Variants in VWA3B observed in about 807,000 individuals in gnomAD.
The protein encoded by VWA3B is von Willebrand factor A domain-containing protein 3B.
A neutral mutation model predicts 158.3 loss-of-function variants in VWA3B; 138 were observed. The ratio of observed to expected loss-of-function variants is 0.87; its 90% CI spans 0.76 to 1.00. VWA3B has a LOEUF of 1.00. Among genes scored for constraint, VWA3B ranks in the 50% least tolerant of loss-of-function variants. The pLI is 0.00. For synonymous variants in VWA3B, 596 were observed against 587.3 expected (o/e 1.01, Z -0.21); for missense variants, 1,555 against 1,565.1 (o/e 0.99, Z 0.11).
At chr2:98,215,167 C>T (rs981959948) in intron 13 of VWA3B, among the ~76,000 whole-genome samples, 1 of 152,072 alleles carries the variant, frequency 6.6e-6, no homozygotes, top group African/African-American at 2.4e-5. Flanking sequence ...TTAGGCCAGG[C>T]GCGGTGGCTC....
the VWA3B span, among the ~76,000 whole-genome samples, chr2:98,330,614 G>A: frequency 3.3e-5 from 5 of 152,108 alleles, no homozygotes; most frequent in Admixed American, 6.5e-5. Context: ...CTCTGGGAAG[G>A]TTTCTGCTCA....
At chr2:98,232,271 T>C (rs1456509385) in intron 16 of VWA3B, among the ~76,000 whole-genome samples, 1 of 152,246 alleles carries the variant, frequency 6.6e-6, no homozygotes, top group Non-Finnish European at 1.5e-5. Context: ...GAGGGCAAAG[T>C]TGTTTATTAT....
chr2:98,104,826 C>T (rs1443605978), intron 2 of VWA3B, among the ~76,000 whole-genome samples: 1 of 152,014 alleles, frequency 6.6e-6, no homozygotes, highest in Non-Finnish European at 1.5e-5. Flanking sequence ...TTCCTTGTTA[C>T]ATCCTTAACT....
chr2:98,223,926 C>T (rs1016458982), intron 14 of VWA3B, among the ~76,000 whole-genome samples: 1 of 152,018 alleles, frequency 6.6e-6, no homozygotes, highest in Non-Finnish European at 1.5e-5. Flanking sequence ...TAGGGTCACA[C>T]TATGTCGCCC....
At chr2:98,176,406 C>A (rs1680020132) in intron 8 of VWA3B, among the ~76,000 whole-genome samples, 1 of 149,880 alleles carries the variant, frequency 6.7e-6, no homozygotes, top group Non-Finnish European at 1.5e-5. Flanking sequence ...TCCTGTCTCA[C>A]TTCCTAATCT....
At chr2:98,269,787 AG>A (rs1182956686) in intron 21 of VWA3B, among the ~76,000 whole-genome samples, 1 of 152,228 alleles carries the variant, frequency 6.6e-6, no homozygotes, top group Non-Finnish European at 1.5e-5. Context: ...GTGTCTCTGT[AG>A]GGGAATGAGG....
chr2:98,270,539 T>A lies in VWA3B; in HGVS notation c.2844-143T>A, dbSNP rs534474847. The A allele has an allele frequency of 3.3e-4, 262 of 801,754 alleles. 2 individuals are homozygous for A. The East Asian group carries it at 6.9e-3, about 21-fold the overall frequency. The allele number at this position is 801,754 out of a possible 1,614,324, so 49.7% of individuals were successfully genotyped here. A position where few individuals can be genotyped will look rare whatever the true frequency, so the allele number is the denominator to read the frequency against. The stretch of plus-strand genomic sequence containing the variant: ...AGAGGGCATGGCTATGATGCTGTCA[T>A]CTGACACCTGACACTAGCTTCAACA... On this transcript the variant is annotated intron_variant, in intron 21 of 27. Coordinates refer to ENST00000477737, the MANE Select transcript of VWA3B (RefSeq NM_144992.5).
chr2:98,216,492 T>C (rs1229308073), intron 13 of VWA3B, among the ~76,000 whole-genome samples: 3 of 152,188 alleles, frequency 2.0e-5, no homozygotes, highest in Non-Finnish European at 4.4e-5. Context: ...AGGTGCAGGG[T>C]GATCAACCTG....
intron 19 of VWA3B, among the ~76,000 whole-genome samples, chr2:98,243,014 A>G (rs942652251): frequency 7.9e-5 from 12 of 152,080 alleles, no homozygotes; most frequent in African/African-American, 2.7e-4. Context: ...AAATGTAGAT[A>G]AGTGAAAAAG....
chr2:98,203,381 A>G (rs892904674), intron 12 of VWA3B, among the ~76,000 whole-genome samples: 2 of 152,156 alleles, frequency 1.3e-5, no homozygotes, highest in African/African-American at 4.8e-5. Context: ...CCTACTTTAC[A>G]TTTCTTTTTT....
At chr2:98,165,954 C>T (rs1449926397) in intron 8 of VWA3B, among the ~76,000 whole-genome samples, 7 of 152,158 alleles carry the variant, frequency 4.6e-5, no homozygotes, top group Admixed American at 2.0e-4. Context: ...GCATTTGTTT[C>T]GGGGAGTGTG....
At position 98,129,220 on chromosome 2, in the gene VWA3B, AGAGAGTGTGT is replaced by A. The variant is rs1467777173; in HGVS notation, c.872+814_872+823del. On this transcript the variant is annotated intron_variant, in intron 6 of 27. Coordinates refer to ENST00000477737, the MANE Select transcript of VWA3B (RefSeq NM_144992.5). ...AGAGAGAGAGAGGAGAGAGAGAGAG[AGAGAGTGTGT>A]GTGTGTGTGTGTGTGTGTGTGTGTG... Among the ~76,000 whole-genome samples the A allele has an allele frequency of 2.6e-5, 3 of 115,908 alleles. No individual in the cohort carries two copies. The East Asian group carries it at 8.3e-4, about 32-fold the overall frequency. 76.0% of individuals were successfully genotyped at this position (115,908 alleles called of 152,430 possible). A position where few individuals can be genotyped will look rare whatever the true frequency, so the allele number is the denominator to read the frequency against.
intron 12 of VWA3B, among the ~76,000 whole-genome samples, chr2:98,202,404 A>G (rs1294440936): frequency 6.6e-6 from 1 of 151,990 alleles, no homozygotes; most frequent in Non-Finnish European, 1.5e-5. Flanking sequence ...GTTAGTTTGA[A>G]GAGCTTTTTT....
intron 12 of VWA3B, chr2:98,207,223 G>T: frequency 1.9e-6 from 1 of 540,384 alleles, no homozygotes; most frequent in Non-Finnish European, 3.7e-6. Flanking sequence ...CCTCTGTACA[G>T]GCTATGTACC....
chr2:98,201,233 C>CT (rs1173507468), intron 12 of VWA3B, among the ~76,000 whole-genome samples: 1 of 152,198 alleles, frequency 6.6e-6, no homozygotes, highest in East Asian at 1.9e-4. Context: ...ACGTCTAACA[C>CT]TGTGTACCTC....
intron 12 of VWA3B, among the ~76,000 whole-genome samples, chr2:98,203,845 G>C (rs952439596): frequency 2.0e-5 from 3 of 152,090 alleles, no homozygotes; most frequent in Admixed American, 6.5e-5. Context: ...CTCCATATCT[G>C]CAAGTTCTGT....
Position 98,128,269 on chromosome 2 carries a change from G to T in VWA3B, c.733G>T (p.Asp245Tyr). 5.6e-6 allele frequency: 9 copies of T among 1,614,190 alleles called. No homozygotes were observed. Among genetic ancestry groups the T allele is most frequent in the Non-Finnish European group, 7.6e-6 (9 of 1,180,010 alleles). The change falls in exon 6 of 28, where the codon GAT becomes TAT. Residue 245 changes from aspartate to tyrosine, a missense_variant. Physicochemically the swap from Asp to Tyr is radical, Grantham distance 160. Coordinates refer to ENST00000477737, the MANE Select transcript of VWA3B (RefSeq NM_144992.5). ...ATCCATTTACTACTTTGTGGTGGGG[G>T]ATGTTCCTGAAGAATCCAAGGAGCT... ...IESIYYFVVG[D>Y]VPEESKELLL...
chr2:98,242,185 C>A (rs1231090361), intron 19 of VWA3B: 1 of 455,234 alleles, frequency 2.2e-6, no homozygotes, highest in African/African-American at 2.0e-5. Flanking sequence ...TTGTCCCCAG[C>A]TCTTTGTTTC....
intron 20 of VWA3B, among the ~76,000 whole-genome samples, chr2:98,251,794 C>A (rs568857396): frequency 6.6e-6 from 1 of 152,312 alleles, no homozygotes; most frequent in South Asian, 2.1e-4. Flanking sequence ...CTGTGTCCAA[C>A]CCAGGCCTCT....
Sources: gnomAD v4.1 joint callset for allele counts (sites outside exome capture counted in the v4.1 genomes callset) on GRCh38, gnomAD v4.1.1 for gene constraint, MANE v1.5 for transcripts, NCBI Gene and HGNC (gene_info 2026-07-23, HGNC 2026-07-21) for gene names.